Variants in NCAN observed in about 807,000 individuals in gnomAD.
NCAN encodes neurocan core protein.
NCAN carries 47 observed loss-of-function variants against 121.8 expected under a neutral mutation model. That is an observed-to-expected ratio of 0.39 (90% CI 0.31 to 0.49). NCAN has a LOEUF of 0.49. NCAN is among the 20% of genes least tolerant of loss of function. The pLI is 0.92. For missense variants in NCAN, 1,517 were observed against 1,773.4 expected (o/e 0.86, Z 2.60); for synonymous variants, 633 against 702.0 (o/e 0.90, Z 1.55).
chr19:19,223,159 A>T (rs1352999684), intron 3 of NCAN, among the ~76,000 whole-genome samples: 1 of 151,834 alleles, frequency 6.6e-6, no homozygotes, highest in African/African-American at 2.4e-5. Flanking sequence ...AAATAAATAA[A>T]AAAGAACCAC....
At chr19:19,243,537 AAAAG>A (rs972414015) in intron 12 of NCAN, among the ~76,000 whole-genome samples, 18 of 151,390 alleles carry the variant, frequency 1.2e-4, no homozygotes, top group Non-Finnish European at 2.1e-4. Flanking sequence ...AAAAAAAAGA[AAAAG>A]AAAAAGTTCT....
At chr19:19,241,171 G>A (rs886324554) in intron 12 of NCAN, among the ~76,000 whole-genome samples, 2 of 151,942 alleles carry the variant, frequency 1.3e-5, no homozygotes, top group East Asian at 1.9e-4. Context: ...CGTGAGAATC[G>A]CTTGAACCTG....
At chr19:19,238,448 G>A (rs1296782067) in intron 11 of NCAN, 37 bp downstream of exon 11, 1 of 1,612,786 alleles carries the variant, frequency 6.2e-7, no homozygotes, top group South Asian at 1.1e-5. Flanking sequence ...TGCCTGGAGG[G>A]TGGGCAGGGG....
intron 3 of NCAN, 25 bp from the exon 4 acceptor site, chr19:19,223,996 C>A: frequency 4.0e-6 from 6 of 1,498,346 alleles, no homozygotes; most frequent in Non-Finnish European, 5.4e-6. Context: ...TCAACTGTCC[C>A]CCCATCCTGG....
At position 19,228,111 on chromosome 19, in the gene NCAN, T is replaced by C; in HGVS notation, c.2491T>C (p.Ser831Pro). The change falls in exon 8 of 15, where the codon TCC (serine) becomes CCC (proline). Residue 831 changes from serine to proline, a missense_variant. Coordinates refer to ENST00000252575, the MANE Select transcript of NCAN (RefSeq NM_004386.3). The part of the protein sequence containing the change: ...DEGPTVNPMD[S>P]TVTPAPSDAS... ...AGGACCCACTGTGAATCCCATGGAT[T>C]CCACAGTCACGCCGGCCCCCAGTGA... 1 of 1,613,548 alleles carries C rather than the reference T, an allele frequency of 6.2e-7. No homozygotes were observed. Among genetic ancestry groups the C allele is most frequent in the Non-Finnish European group, 8.5e-7 (1 of 1,179,984 alleles).
Position 19,225,405 on chromosome 19 carries a change from C to A in NCAN, c.1072+135C>A. 8.7e-7 allele frequency: 1 copy of A among 1,143,584 alleles called. No individual in the cohort carries two copies. Among genetic ancestry groups the A allele is most frequent in the Non-Finnish European group, 1.2e-6 (1 of 856,358 alleles). 70.8% of individuals were successfully genotyped at this position (1,143,584 alleles called of 1,614,324 possible). On this transcript the variant is annotated intron_variant, in intron 6 of 14. Transcript: ENST00000252575. The surrounding 1 kb of genome is among the most constrained non-coding windows in gnomAD (Gnocchi z 4.0). ...GATAAGCCACATCCCTGGGTGAGGG[C>A]CACGCCCCCGGGTGAAGGCCACACC...
rs139667970 is a variant in NCAN, at chr19:19,227,904, G to A, written c.2284G>A (p.Asp762Asn). The A allele has an allele frequency of 5.0e-6, 8 of 1,613,538 alleles. No individual in the cohort carries two copies. Among genetic ancestry groups the A allele is most frequent in the African/African-American group, 2.7e-5 (2 of 74,908 alleles). Residue 762 changes from aspartate to asparagine, a missense_variant, in exon 8 of 15, where the codon GAC (aspartate) becomes AAC (asparagine). Physicochemically the swap from Asp to Asn is conservative, Grantham distance 23 (BLOSUM62 1). Coordinates refer to ENST00000252575, the MANE Select transcript of NCAN (RefSeq NM_004386.3). The surrounding 1 kb of genome is among the most constrained non-coding windows in gnomAD (Gnocchi z 4.2). ...GIPGSESGVF[D>N]TAESPTSGLQ... ...CCCGGGGTCTGAGTCTGGGGTCTTC[G>A]ACACAGCAGAAAGCCCCACTTCTGG...
rs2060944057 is a variant in NCAN at position 19,250,918 on chromosome 19, C to G, written c.*1007C>G. ...CACTTAAAACTTGAAGTAGTGACAC[C>G]TACCTGCGGTCATATTGTAGAGAGA... On this transcript the variant is annotated 3_prime_UTR_variant, in exon 15 of 15. Transcript: ENST00000252575. 6.6e-6 allele frequency: 1 copy of G among 152,456 alleles called. No individual in the cohort carries two copies. The highest frequency in any genetic ancestry group is 2.4e-5 in the African/African-American group (1 of 41,460). 9.4% of individuals were successfully genotyped at this position (152,456 alleles called of 1,614,324 possible).
chr19:19,240,741 G>A, intron 12 of NCAN, 56 bp downstream of exon 12: 1 of 1,559,316 alleles, frequency 6.4e-7, no homozygotes, highest in Non-Finnish European at 8.8e-7. Flanking sequence ...CCTGCCATCT[G>A]GCCTCAGTTT....
rs144976237 is a variant in NCAN, at chr19:19,214,080, C to T, written c.-8+2016C>T. Among the ~76,000 whole-genome samples the T allele has an allele frequency of 2.9e-4, 44 of 152,304 alleles. 1 individual carries two copies. In the East Asian group the frequency reaches 8.5e-3, roughly 29 times the overall value. On this transcript the variant is annotated intron_variant, in intron 1 of 14. Transcript: ENST00000252575. The stretch of plus-strand genomic sequence containing the variant: ...AACCGCCTTCACACCCTTGCCAGGA[C>T]ACAACACCCCGGACACACACCCAGT...
intron 8 of NCAN, among the ~76,000 whole-genome samples, chr19:19,233,337 A>AT (rs11403628): frequency 0.37 from 55,747 of 151,232 alleles, 10,542 homozygotes; most frequent in Middle Eastern, 0.49. Context: ...CAGGATGAGG[A>AT]TTTTTTTTCA....
intron 1 of NCAN, among the ~76,000 whole-genome samples, chr19:19,213,890 C>A (rs2060785780): frequency 6.6e-6 from 1 of 152,192 alleles, no homozygotes; most frequent in African/African-American, 2.4e-5. Context: ...CACACTAATA[C>A]ACCCTGACTC....
In NCAN at chr19:19,238,400, G is replaced by A. The variant is rs776076569; in HGVS notation, c.3398G>A (p.Ser1133Asn). The change falls in exon 11 of 15, where the codon AGC (serine) becomes AAC (asparagine). Residue 1133 changes from serine (S) to asparagine (N), a missense_variant. Transcript: ENST00000252575. ...AGCGTCCACTCACCGGAGGAACACA[G>A]CTTCATTAATAGTAGGGGCTCTGGG... Reference protein sequence around the residue: ...LTSVHSPEEHSFINSFGHENT... With the variant: ...LTSVHSPEEHNFINSFGHENT... The A allele has an allele frequency of 2.5e-6, 4 of 1,614,190 alleles. No homozygotes were observed. Among genetic ancestry groups the A allele is most frequent in the Non-Finnish European group, 3.4e-6 (4 of 1,180,040 alleles).
chr19:19,228,067 C>T lies in NCAN; in HGVS notation c.2447C>T (p.Pro816Leu), dbSNP rs747120200. 5.8e-5 allele frequency: 93 copies of T among 1,613,460 alleles called. No homozygotes were observed. In the Admixed American group the frequency reaches 1.5e-3, roughly 25 times the overall value. ...CCCAAAGTCACCCCAAATTTGGAGC[C>T]TTGGGTTGCTACAGATGAAGGACCC... ...LVPKVTPNLEPWVATDEGPTV... is the reference protein window; with the variant it reads ...LVPKVTPNLELWVATDEGPTV... Residue 816 changes from proline to leucine, a missense_variant, in exon 8 of 15, where the codon CCT (proline) becomes CTT (leucine). Transcript: ENST00000252575.
intron 11 of NCAN, 62 bp downstream of exon 11, chr19:19,238,473 C>G (rs747137672): frequency 5.0e-6 from 8 of 1,600,126 alleles, no homozygotes; most frequent in Non-Finnish European, 6.0e-6. Context: ...ACTTGTAGCC[C>G]TTTTGCCAGG....
chr19:19,217,752 T>G (rs1321073791), intron 2 of NCAN, among the ~76,000 whole-genome samples: 2 of 152,190 alleles, frequency 1.3e-5, no homozygotes, highest in Non-Finnish European at 2.9e-5. Context: ...TTTGGGAGGC[T>G]GAGGCAGGCA....
intron 13 of NCAN, 22 bp from the exon 14 acceptor site, chr19:19,248,678 A>C: frequency 6.2e-7 from 1 of 1,607,070 alleles, no homozygotes; most frequent in South Asian, 1.1e-5. Flanking sequence ...CACCTCTCTC[A>C]CTAGAGATTC....
At position 19,218,901 on chromosome 19, in the gene NCAN, C is replaced by G; in HGVS notation, c.74-14C>G. On this transcript the variant is annotated splice_polypyrimidine_tract_variant and intron_variant, in intron 2 of 14. Coordinates refer to ENST00000252575, the MANE Select transcript of NCAN (RefSeq NM_004386.3). ...CCTCTGAATCAGGCCCTCTCTCCACCTTCTCCAACCCAGGCACACAGGATA... is the reference window on the plus strand; with the variant it reads ...CCTCTGAATCAGGCCCTCTCTCCACGTTCTCCAACCCAGGCACACAGGATA... 1 of 1,478,424 alleles carries G rather than the reference C, an allele frequency of 6.8e-7. No homozygotes were observed. The highest frequency in any genetic ancestry group is 9.0e-7 in the Non-Finnish European group (1 of 1,111,502). The allele number at this position is 1,478,424 out of a possible 1,614,324, so 91.6% of individuals were successfully genotyped here.
rs745631082 is a variant in NCAN, at chr19:19,250,492, C to T, written c.*581C>T. 1.4e-5 allele frequency: 4 copies of T among 277,408 alleles called. No individual in the cohort carries two copies. In the East Asian group the frequency reaches 2.8e-4, roughly 19 times the overall value. 17.2% of individuals were successfully genotyped at this position (277,408 alleles called of 1,614,324 possible). On this transcript the variant is annotated 3_prime_UTR_variant, in exon 15 of 15. Coordinates refer to ENST00000252575, the MANE Select transcript of NCAN (RefSeq NM_004386.3). ...ATAAACACACAGTGTGGAGATCCCACGTACTGCATTTTAGGGATGTTTTTA... is the reference window on the plus strand; with the variant it reads ...ATAAACACACAGTGTGGAGATCCCATGTACTGCATTTTAGGGATGTTTTTA...
Sources: gnomAD v4.1 joint callset for allele counts (sites outside exome capture counted in the v4.1 genomes callset) on GRCh38, gnomAD v4.1.1 for gene constraint, Gnocchi (gnomAD v3.1) non-coding constraint, MANE v1.5 for transcripts, NCBI Gene and HGNC (gene_info 2026-07-23, HGNC 2026-07-21) for gene names.